HACD2: variants seen among roughly 807,000 people sequenced by gnomAD.
HACD2 encodes 3-hydroxyacyl-CoA dehydratase 2.
In HACD2, 15 loss-of-function variants were observed where a neutral mutation model predicts 31.0. The ratio of observed to expected loss-of-function variants is 0.48; its 90% CI spans 0.32 to 0.75. The LOEUF (loss-of-function observed/expected upper bound fraction) is 0.75. Ranked by LOEUF, HACD2 falls within the 30% of genes least tolerant of loss-of-function variation. The pLI, the probability that HACD2 is intolerant of heterozygous loss-of-function variation, is 0.03. For synonymous variants in HACD2, 115 were observed against 122.2 expected, an observed-to-expected ratio of 0.94 and a Z score of 0.39; for missense variants, 283 against 313.0, an observed-to-expected ratio of 0.90 and a Z score of 0.72.
In HACD2 at chr3:123,528,374, A is replaced by G. The variant is rs184327269; in HGVS notation, c.381+12T>C. ...TAGTGTTGACATTATTTTGGTCTAT[A>G]TAAACACTTACCTCTTTGACGCTAT... On this transcript the variant is annotated intron_variant, in intron 4 of 6. Coordinates refer to ENST00000383657, the MANE Select transcript of HACD2 (RefSeq NM_198402.5). The G allele has an allele frequency of 3.0e-4, 458 of 1,544,026 alleles. 4 individuals carry two copies. The East Asian group carries it at 8.9e-3, about 30-fold the overall frequency.
At chr3:123,565,042 T>G (rs1482742982) in intron 3 of HACD2, among the ~76,000 whole-genome samples, 1 of 152,146 alleles carries the variant, frequency 6.6e-6, no homozygotes, top group Admixed American at 6.5e-5. Context: ...CCCATCTGAC[T>G]GTGGGTTTCC....
intron 3 of HACD2, among the ~76,000 whole-genome samples, chr3:123,557,944 T>G (rs1018198833): frequency 1.3e-5 from 2 of 152,248 alleles, no homozygotes; most frequent in Non-Finnish European, 2.9e-5. Context: ...TCCAAAGGAT[T>G]TGAAAACTTG....
At chr3:123,520,541 C>T (rs2056200567) in intron 4 of HACD2, among the ~76,000 whole-genome samples, 1 of 152,216 alleles carries the variant, frequency 6.6e-6, no homozygotes, top group African/African-American at 2.4e-5. Context: ...TGCAGATACA[C>T]AGAACATTTC....
intron 2 of HACD2, among the ~76,000 whole-genome samples, chr3:123,575,265 T>A (rs1402677389): frequency 6.6e-6 from 1 of 152,100 alleles, no homozygotes; most frequent in Non-Finnish European, 1.5e-5. Context: ...CGCCACTGTA[T>A]CCGGCTAATT....
chr3:123,504,817 G>A (rs2055952715), intron 4 of HACD2, among the ~76,000 whole-genome samples: 1 of 152,156 alleles, frequency 6.6e-6, no homozygotes, highest in Non-Finnish European at 1.5e-5. Flanking sequence ...TTATCAAGAA[G>A]GGATTTGGAT....
chr3:123,578,827 T>G (rs1323059345), intron 2 of HACD2, among the ~76,000 whole-genome samples: 1 of 152,212 alleles, frequency 6.6e-6, no homozygotes, highest in Non-Finnish European at 1.5e-5. Flanking sequence ...ATGTCAACAC[T>G]AATAATTCCC....
intron 4 of HACD2, among the ~76,000 whole-genome samples, chr3:123,512,282 A>G (rs2056072903): frequency 6.6e-6 from 1 of 152,256 alleles, no homozygotes; most frequent in African/African-American, 2.4e-5. Flanking sequence ...CAAAATGAAA[A>G]GAAACGCATA....
At chr3:123,565,020 A>G (rs150262903) in intron 3 of HACD2, among the ~76,000 whole-genome samples, 1 of 152,188 alleles carries the variant, frequency 6.6e-6, no homozygotes, top group Non-Finnish European at 1.5e-5. Flanking sequence ...TACCAGAGGA[A>G]CTCAGGGGAT....
intron 2 of HACD2, among the ~76,000 whole-genome samples, chr3:123,577,578 G>T (rs1259328072): frequency 6.9e-6 from 1 of 145,234 alleles, no homozygotes; most frequent in Non-Finnish European, 1.5e-5. Context: ...CCGAGATCGC[G>T]CCACTGCACT....
intron 4 of HACD2, among the ~76,000 whole-genome samples, chr3:123,510,736 A>T (rs2056049713): frequency 6.6e-6 from 1 of 152,200 alleles, no homozygotes; most frequent in South Asian, 2.1e-4. Context: ...TTGGTGTATA[A>T]GTAAGTTTAA....
At chr3:123,541,291 C>T in intron 3 of HACD2, among the ~76,000 whole-genome samples, 1 of 152,154 alleles carries the variant, frequency 6.6e-6, no homozygotes, top group African/African-American at 2.4e-5. Flanking sequence ...TAAACCCAAC[C>T]TAATAGCCAC....
chr3:123,494,765 G>C lies in HACD2; in HGVS notation c.*123C>G. On this transcript the variant is annotated 3_prime_UTR_variant, in exon 7 of 7. Coordinates refer to ENST00000383657, the MANE Select transcript of HACD2 (RefSeq NM_198402.5). Reference sequence around the variant, plus strand: ...GACACTGGATTTTTGTTTTAGTTTTGTTTGAATATTTTAAAAATAGTTCTT... The same window carrying C: ...GACACTGGATTTTTGTTTTAGTTTTCTTTGAATATTTTAAAAATAGTTCTT... 1 of 723,588 alleles carries C rather than the reference G, an allele frequency of 1.4e-6. No homozygotes were observed. Among genetic ancestry groups the C allele is most frequent in the South Asian group, 1.7e-5 (1 of 59,664 alleles). The allele number at this position is 723,588 out of a possible 1,614,324, so 44.8% of individuals were successfully genotyped here.
chr3:123,510,609 T>C (rs2056046951), intron 4 of HACD2, among the ~76,000 whole-genome samples: 1 of 152,232 alleles, frequency 6.6e-6, no homozygotes, highest in African/African-American at 2.4e-5. Flanking sequence ...AGAATTTCCT[T>C]CCTTTTTGTG....
intron 2 of HACD2, among the ~76,000 whole-genome samples, chr3:123,571,066 C>T (rs968577666): frequency 2.0e-5 from 3 of 152,148 alleles, no homozygotes; most frequent in African/African-American, 7.2e-5. Flanking sequence ...AATCTCAAAA[C>T]TGATTTTCAA....
intron 3 of HACD2, among the ~76,000 whole-genome samples, chr3:123,562,415 G>C (rs115332238): frequency 0.025 from 3,753 of 152,186 alleles, 155 homozygotes; most frequent in African/African-American, 0.082. Context: ...GCCCTGAAGT[G>C]CTCACTTGCA....
intron 2 of HACD2, among the ~76,000 whole-genome samples, chr3:123,569,062 T>C (rs1205621739): frequency 6.6e-6 from 1 of 152,172 alleles, no homozygotes; most frequent in Admixed American, 6.5e-5. Flanking sequence ...CTGTGCCTTA[T>C]CAAAAACTAC....
intron 2 of HACD2, among the ~76,000 whole-genome samples, chr3:123,572,576 C>T (rs186919293): frequency 6.6e-6 from 1 of 152,160 alleles, no homozygotes; most frequent in Admixed American, 6.5e-5. Flanking sequence ...TTTCCACTGG[C>T]AATAAACTGA....
At chr3:123,524,740 G>C (rs1286377701) in intron 4 of HACD2, among the ~76,000 whole-genome samples, 1 of 152,104 alleles carries the variant, frequency 6.6e-6, no homozygotes, top group Non-Finnish European at 1.5e-5. Context: ...TCCTGCCTCA[G>C]CCTCCCAAAG....
At chr3:123,523,479 TTAG>T (rs1050401346) in intron 4 of HACD2, among the ~76,000 whole-genome samples, 2 of 152,122 alleles carry the variant, frequency 1.3e-5, no homozygotes, top group African/African-American at 4.8e-5. Flanking sequence ...AGGGCAGATA[TTAG>T]TATTATTATT....
Sources: allele counts gnomAD v4.1 joint callset (sites outside exome capture counted in the v4.1 genomes callset), GRCh38; gene constraint gnomAD v4.1.1; transcripts MANE v1.5; gene names NCBI Gene and HGNC (gene_info 2026-07-23, HGNC 2026-07-21).